The following GTPBP6 variants were observed in gnomAD, a reference collection of about 807,000 sequenced individuals.
The protein encoded by GTPBP6 is putative GTP-binding protein 6.
Under a neutral mutation model 28.9 loss-of-function variants are expected in GTPBP6, and 33 were observed. That is an observed-to-expected ratio of 1.14 (90% CI 0.87 to 1.53). The LOEUF (loss-of-function observed/expected upper bound fraction) is 1.53. Ranked by LOEUF, GTPBP6 falls within the 40% of genes most tolerant of loss-of-function variation. The pLI, the probability that GTPBP6 is intolerant of heterozygous loss-of-function variation, is 0.00. For missense variants in GTPBP6, 507 were observed against 408.3 expected (o/e 1.24, Z -2.08); for synonymous variants, 231 against 192.7 (o/e 1.20, Z -1.65).
intron 1 of GTPBP6, 27 bp downstream of exon 1, chrX:318,412 C>G (rs1447036902): frequency 5.8e-5 from 19 of 330,224 alleles, no homozygotes; most frequent in Non-Finnish European, 9.7e-5. Context: ...GCTCCTGTTT[C>G]TCCCCCGAAA....
In GTPBP6 at chrX:311,412, C is replaced by A. The variant is rs370618319; in HGVS notation, c.1125+7G>T. 1.6e-6 allele frequency: 2 copies of A among 1,260,652 alleles called. No homozygotes were observed. The highest frequency in any genetic ancestry group is 2.0e-6 in the Non-Finnish European group (2 of 978,384). The allele number at this position is 1,260,652 out of a possible 1,614,324, so 78.1% of individuals were successfully genotyped here. A position where few individuals can be genotyped will look rare whatever the true frequency, so the allele number is the denominator to read the frequency against. ...GAGCACCCGATCCCCGGCCGTCCCA[C>A]GCTCACCGAGTGGGCCACGTCTTCC... On this transcript the variant is annotated splice_region_variant and intron_variant, in intron 7 of 9. Coordinates refer to ENST00000326153, the Ensembl canonical transcript of GTPBP6.
chrX:315,703 CACAGTAAATACATCCCGACAGGGACAG>C (rs2070421947), intron 2 of GTPBP6, among the ~76,000 whole-genome samples: 1 of 21,468 alleles, frequency 4.7e-5, no homozygotes, highest in Non-Finnish European at 1.6e-4. Flanking sequence ...CACACACACA[CACAGTAAATACATCCCGACAGGGACAG>C]ACACACACAC....
At chrX:309,590 A>C (rs1179297580) in intron 7 of GTPBP6, among the ~76,000 whole-genome samples, 1 of 152,212 alleles carries the variant, frequency 6.6e-6, no homozygotes, top group Non-Finnish European at 1.5e-5. Context: ...AAATGCAATG[A>C]CAGGTGTCCT....
At chrX:314,762 C>T (rs2070398080) in intron 4 of GTPBP6, 128 bp downstream of exon 4, 2 of 409,390 alleles carry the variant, frequency 4.9e-6, no homozygotes, top group Admixed American at 4.0e-5. Context: ...AGGCGTGAGC[C>T]ACCGCGCCCG....
rs1396199435 is a variant in GTPBP6, at chrX:317,531, G to A, written c.350-480C>T. 2.6e-5 allele frequency among the ~76,000 whole-genome samples: 3 copies of A among 115,842 alleles called. No individual in the cohort carries two copies. In the East Asian group the frequency reaches 8.1e-4, roughly 31 times the overall value. 76.0% of individuals were successfully genotyped at this position (115,842 alleles called of 152,430 possible). ...TTTATGAGACTCTGACACGTGCAGC[G>A]ACTTATTCATTTGCATTTCCTCCTG... On this transcript the variant is annotated intron_variant, in intron 1 of 9. Coordinates refer to ENST00000326153, the Ensembl canonical transcript of GTPBP6.
intron 4 of GTPBP6, 101 bp from the exon 5 acceptor site, chrX:314,318 C>T: frequency 1.0e-6 from 1 of 970,376 alleles, no homozygotes; most frequent in Non-Finnish European, 1.7e-6. Flanking sequence ...GGCCTCTGGG[C>T]CGAAGGGAGG....
chrX:315,364 C>G (rs1297274506), intron 2 of GTPBP6, 65 bp from the exon 3 acceptor site: 1 of 398,422 alleles, frequency 2.5e-6, no homozygotes, highest in African/African-American at 2.1e-5. Flanking sequence ...GGGATGAGCC[C>G]ACCATACCCT....
intron 9 of GTPBP6, among the ~76,000 whole-genome samples, chrX:306,651 C>A (rs2070172989): frequency 6.8e-6 from 1 of 148,138 alleles, no homozygotes; most frequent in Non-Finnish European, 1.5e-5. Context: ...ACAGATTAGG[C>A]ACCTGTTGTA....
chrX:316,969 G>C (rs1488083239), exon 2 of GTPBP6: 3 of 398,550 alleles, frequency 7.5e-6, no homozygotes, highest in Non-Finnish European at 8.8e-6. Context: ...CCGGCGTTTT[G>C]GTGGACACGA....
In GTPBP6 at chrX:307,898, G is replaced by A; in HGVS notation, c.1126-18C>T. The A allele has an allele frequency of 1.3e-6, 2 of 1,497,174 alleles. No individual in the cohort carries two copies. The highest frequency in any genetic ancestry group is 1.8e-6 in the Non-Finnish European group (2 of 1,124,548). 92.7% of individuals were successfully genotyped at this position (1,497,174 alleles called of 1,614,324 possible). ...ATGAGATCCTGTGGGCCGGGCCGTG[G>A]GGTCAGAGCTGCGGAGCCTCTGGTC... is the stretch of plus-strand genomic sequence containing the variant. On this transcript the variant is annotated intron_variant, in intron 7 of 9. Coordinates refer to ENST00000326153, the Ensembl canonical transcript of GTPBP6.
intron 7 of GTPBP6, 40 bp from the exon 8 acceptor site, chrX:307,920 G>A (rs1187138149): frequency 3.4e-6 from 5 of 1,458,976 alleles, no homozygotes; most frequent in African/African-American, 1.4e-5. Context: ...CGGAGCCTCT[G>A]GTCCCTGACC....
chrX:315,612 C>CACAGACACACAGACAGACACACAGAG (rs2070418090), intron 2 of GTPBP6, among the ~76,000 whole-genome samples: 1 of 150,086 alleles, frequency 6.7e-6, no homozygotes, highest in Non-Finnish European at 1.5e-5. Flanking sequence ...CAGGGACAGA[C>CACAGACACACAGACAGACACACAGAG]ACAGACACAC....
exon 10 of GTPBP6, chrX:305,006 C>T (rs2070123126): frequency 6.3e-7 from 1 of 1,585,420 alleles, no homozygotes; most frequent in African/African-American, 1.3e-5. Flanking sequence ...CTGCCCCCAA[C>T]ACAGCGGTAA....
Position 315,221 on chromosome X carries a change from T to G in GTPBP6, c.558+8A>C. 2.5e-6 allele frequency: 1 copy of G among 398,486 alleles called. No homozygotes were observed. Among genetic ancestry groups the G allele is most frequent in the Non-Finnish European group, 4.4e-6 (1 of 226,036 alleles). 24.7% of individuals were successfully genotyped at this position (398,486 alleles called of 1,614,324 possible). A position where few individuals can be genotyped will look rare whatever the true frequency, so the allele number is the denominator to read the frequency against. Reference sequence around the variant, plus strand: ...GGGACAAACACAGCAAGCCACATCCTGTGGTACCTTGGTCGGGGCAGCCAT... The same window carrying G: ...GGGACAAACACAGCAAGCCACATCCGGTGGTACCTTGGTCGGGGCAGCCAT... On this transcript the variant is annotated splice_region_variant and intron_variant, in intron 3 of 9. Transcript: ENST00000326153.
intron 5 of GTPBP6, among the ~76,000 whole-genome samples, 191 bp downstream of exon 5, chrX:313,959 G>C (rs1373121919): frequency 6.6e-6 from 1 of 152,200 alleles, no homozygotes; most frequent in African/African-American, 2.4e-5. Context: ...ACCAGACGGA[G>C]CCCCCAGCCA....
At chrX:309,607 C>A (rs1235910464) in intron 7 of GTPBP6, among the ~76,000 whole-genome samples, 5 of 152,102 alleles carry the variant, frequency 3.3e-5, no homozygotes, top group African/African-American at 4.8e-5. Flanking sequence ...TCCTAGGAGA[C>A]ACAGACACAG....
chrX:312,467 G>A (rs1258504192), intron 6 of GTPBP6: 3 of 540,092 alleles, frequency 5.6e-6, no homozygotes, highest in Admixed American at 2.3e-5. Context: ...AGATGGAGGG[G>A]AGATTGTGGT....
At chrX:311,313 TGA>T (rs2070287967) in intron 7 of GTPBP6, 104 bp downstream of exon 7, 219 of 640,834 alleles carry the variant, frequency 3.4e-4, no homozygotes, top group African/African-American at 1.1e-3. Flanking sequence ...GCCCCTGGGC[TGA>T]GTGGGTGTCC....
rs370618319 is a variant in GTPBP6, at chrX:311,412, C to T, written c.1125+7G>A. The T allele has an allele frequency of 9.0e-5, 113 of 1,260,642 alleles. 1 individual carries two copies. Among genetic ancestry groups the T allele is most frequent in the South Asian group, 8.4e-4 (53 of 63,044 alleles). The allele number at this position is 1,260,642 out of a possible 1,614,324, so 78.1% of individuals were successfully genotyped here. A position where few individuals can be genotyped will look rare whatever the true frequency, so the allele number is the denominator to read the frequency against. On this transcript the variant is annotated splice_region_variant and intron_variant, in intron 7 of 9. Transcript: ENST00000326153. ...GAGCACCCGATCCCCGGCCGTCCCACGCTCACCGAGTGGGCCACGTCTTCC... is the reference window on the plus strand; with the variant it reads ...GAGCACCCGATCCCCGGCCGTCCCATGCTCACCGAGTGGGCCACGTCTTCC...
Sources: allele counts gnomAD v4.1 joint callset (sites outside exome capture counted in the v4.1 genomes callset), GRCh38; gene constraint gnomAD v4.1.1; transcripts MANE v1.5; gene names NCBI Gene and HGNC (gene_info 2026-07-23, HGNC 2026-07-21).